Variants in GRK3 observed in about 807,000 individuals in gnomAD.
GRK3 encodes the protein G protein-coupled receptor kinase 3, also known as adrenergic, beta, receptor kinase 2.
A neutral mutation model predicts 95.7 loss-of-function variants in GRK3; 54 were observed. That is an observed-to-expected ratio of 0.56 (90% confidence interval 0.45 to 0.71). The LOEUF (loss-of-function observed/expected upper bound fraction) is 0.71. Ranked by LOEUF, GRK3 falls within the 30% of genes least tolerant of loss-of-function variation. The pLI, the probability that GRK3 is intolerant of heterozygous loss-of-function variation, is 0.00. For synonymous variants in GRK3, 281 were observed against 290.8 expected, an observed-to-expected ratio of 0.97 and a Z score of 0.34; for missense variants, 649 against 851.2, an observed-to-expected ratio of 0.76 and a Z score of 2.96.
At chr22:25,693,531 G>T (rs903811965) in intron 12 of GRK3, among the ~76,000 whole-genome samples, 6 of 152,070 alleles carry the variant, frequency 3.9e-5, no homozygotes, top group African/African-American at 1.4e-4. Context: ...AATCTCCAAC[G>T]CTCTCACAGC....
chr22:25,595,813 G>A (rs113078357), intron 1 of GRK3, among the ~76,000 whole-genome samples: 5 of 152,126 alleles, frequency 3.3e-5, no homozygotes, highest in African/African-American at 1.2e-4. Flanking sequence ...TGGGTGTGGT[G>A]GTGTGCACTT....
At chr22:25,675,508 A>G (rs891004714) in intron 8 of GRK3, among the ~76,000 whole-genome samples, 1 of 152,118 alleles carries the variant, frequency 6.6e-6, no homozygotes, top group African/African-American at 2.4e-5. Flanking sequence ...AAAGCAAAAG[A>G]TAGTGGAAAA....
In GRK3 at chr22:25,603,331, T is replaced by C. The variant is rs2084422175; in HGVS notation, c.114-1046T>C. On this transcript the variant is annotated intron_variant, in intron 1 of 20. Coordinates refer to ENST00000324198, the MANE Select transcript of GRK3 (RefSeq NM_005160.4). ...GTTCACTCCCACCATCAGTGGATAA[T>C]AGAGATTCAATTTTCTACTTTTTCC... 3.3e-5 allele frequency among the ~76,000 whole-genome samples: 5 copies of C among 152,286 alleles called. No individual in the cohort carries two copies. In the East Asian group the frequency reaches 5.8e-4, roughly 18 times the overall value.
At chr22:25,698,447 C>T (rs1042740836) in intron 13 of GRK3, among the ~76,000 whole-genome samples, 1 of 152,168 alleles carries the variant, frequency 6.6e-6, no homozygotes, top group Non-Finnish European at 1.5e-5. Context: ...ATGGCAGAAC[C>T]AATTCTAACC....
intron 4 of GRK3, 32 bp from the exon 5 acceptor site, chr22:25,663,583 ATTGGTTACATTTTAT>A: frequency 7.8e-7 from 1 of 1,276,996 alleles, no homozygotes; most frequent in Non-Finnish European, 1.1e-6. Context: ...ACATACACAG[ATTGGTTACATTTTAT>A]TATTTAAAAA....
chr22:25,620,730 A>G (rs1485989366), intron 2 of GRK3, among the ~76,000 whole-genome samples: 1 of 152,178 alleles, frequency 6.6e-6, no homozygotes, highest in Non-Finnish European at 1.5e-5. Context: ...CCTGGAGTCC[A>G]TCTAAGGGTC....
At chr22:25,648,575 G>GA (rs2084804348) in intron 3 of GRK3, 3 of 1,349,954 alleles carry the variant, frequency 2.2e-6, no homozygotes, top group Non-Finnish European at 1.1e-6. Flanking sequence ...CTCAGGTAAT[G>GA]AAAAAAATAA....
Position 25,724,453 on chromosome 22 carries a change from A to G in GRK3, c.*2003A>G, listed in dbSNP as rs111935244. ...TTGTTCTAAAATTGAGCTGATCCGC[A>G]TCTCTTTCAAAAACTAGAATTTCTG... On this transcript the variant is annotated 3_prime_UTR_variant, in exon 21 of 21. Coordinates refer to ENST00000324198, the MANE Select transcript of GRK3 (RefSeq NM_005160.4). The G allele has an allele frequency of 7.9e-5, 12 of 152,366 alleles. No individual in the cohort carries two copies. Among genetic ancestry groups the G allele is most frequent in the African/African-American group, 2.6e-4 (11 of 41,582 alleles). 9.4% of individuals were successfully genotyped at this position (152,366 alleles called of 1,614,324 possible). A position where few individuals can be genotyped will look rare whatever the true frequency, so the allele number is the denominator to read the frequency against.
At chr22:25,600,988 A>G (rs2084405668) in intron 1 of GRK3, among the ~76,000 whole-genome samples, 1 of 152,246 alleles carries the variant, frequency 6.6e-6, no homozygotes, top group Non-Finnish European at 1.5e-5. Flanking sequence ...TTAAATATTC[A>G]TGTACTTAAC....
intron 5 of GRK3, among the ~76,000 whole-genome samples, chr22:25,666,131 G>A (rs1299770673): frequency 6.6e-6 from 1 of 152,138 alleles, no homozygotes; most frequent in East Asian, 1.9e-4. Context: ...AGCCTGTTGC[G>A]GTTCTTTCTG....
At position 25,727,860 on chromosome 22, in the gene GRK3, TTA is replaced by T. The variant is rs1351420605; in HGVS notation, c.*5414_*5415del. The T allele has an allele frequency of 1.3e-5, 2 of 152,200 alleles. No homozygotes were observed. The highest frequency in any genetic ancestry group is 2.9e-5 in the Non-Finnish European group (2 of 68,034). The allele number at this position is 152,200 out of a possible 1,614,324, so 9.4% of individuals were successfully genotyped here. On this transcript the variant is annotated 3_prime_UTR_variant, in exon 21 of 21. Coordinates refer to ENST00000324198, the MANE Select transcript of GRK3 (RefSeq NM_005160.4). ...TTGATTATATTAAATGATGTATATATTATATGTGGTTTATAAGCTCAACACTG... is the reference window on the plus strand; with the variant it reads ...TTGATTATATTAAATGATGTATATATTATGTGGTTTATAAGCTCAACACTG...
chr22:25,583,837 A>G (rs1932190154), intron 1 of GRK3, among the ~76,000 whole-genome samples: 1 of 152,254 alleles, frequency 6.6e-6, no homozygotes, highest in African/African-American at 2.4e-5. Context: ...ATGGTGCGAG[A>G]TCAGAAATTC....
intron 6 of GRK3, among the ~76,000 whole-genome samples, chr22:25,669,300 G>A (rs2084963050): frequency 6.6e-6 from 1 of 152,132 alleles, no homozygotes; most frequent in African/African-American, 2.4e-5. Context: ...CCTTCCCTGA[G>A]GTCCAAGCAG....
chr22:25,627,634 G>C (rs958534861), intron 2 of GRK3, among the ~76,000 whole-genome samples: 1 of 152,186 alleles, frequency 6.6e-6, no homozygotes, highest in Admixed American at 6.5e-5. Flanking sequence ...AGCCAATTAA[G>C]TACTAGCCAT....
In GRK3 at chr22:25,609,412, A is replaced by G. The variant is rs538894854; in HGVS notation, c.190+4959A>G. On this transcript the variant is annotated intron_variant, in intron 2 of 20. Transcript: ENST00000324198. Reference sequence around the variant, plus strand: ...AGTGGTACAATCTTGGCTCACTGCAACCTCTGCCTCACAGGTTCAAGCAAT... The same window carrying G: ...AGTGGTACAATCTTGGCTCACTGCAGCCTCTGCCTCACAGGTTCAAGCAAT... Among the ~76,000 whole-genome samples, 17 of 151,744 alleles carry G rather than the reference A, an allele frequency of 1.1e-4. No individual in the cohort carries two copies. In the South Asian group the frequency reaches 3.5e-3, roughly 32 times the overall value.
At chr22:25,678,971 G>T in intron 9 of GRK3, 56 bp downstream of exon 9, 1 of 1,213,462 alleles carries the variant, frequency 8.2e-7, no homozygotes. Flanking sequence ...TTTCATAGCA[G>T]GATGATTTAT....
intron 3 of GRK3, among the ~76,000 whole-genome samples, chr22:25,650,149 T>C (rs1423416217): frequency 2.0e-5 from 3 of 151,910 alleles, no homozygotes; most frequent in Non-Finnish European, 4.4e-5. Context: ...CACCCTGTAA[T>C]CCCAGTGCCA....
chr22:25,723,243 G>GC lies in GRK3; in HGVS notation c.*794dup, dbSNP rs1191101003. On this transcript the variant is annotated 3_prime_UTR_variant, in exon 21 of 21. Coordinates refer to ENST00000324198, the MANE Select transcript of GRK3 (RefSeq NM_005160.4). ...GAGTCCAGTGTGCACGAGTCGACAA[G>GC]CAGTACCTGGCATGCAGGAGCACTC... The GC allele has an allele frequency of 6.6e-6, 1 of 152,212 alleles. No individual in the cohort carries two copies. The highest frequency in any genetic ancestry group is 1.5e-5 in the Non-Finnish European group (1 of 68,064). 9.4% of individuals were successfully genotyped at this position (152,212 alleles called of 1,614,324 possible). A position where few individuals can be genotyped will look rare whatever the true frequency, so the allele number is the denominator to read the frequency against.
chr22:25,626,842 C>T (rs927138759), intron 2 of GRK3, among the ~76,000 whole-genome samples: 5 of 152,242 alleles, frequency 3.3e-5, no homozygotes, highest in African/African-American at 1.2e-4. Context: ...CAGTGGCACC[C>T]ATACCACCTG....
Sources: gnomAD v4.1 joint callset for allele counts (sites outside exome capture counted in the v4.1 genomes callset) on GRCh38, gnomAD v4.1.1 for gene constraint, MANE v1.5 for transcripts, NCBI Gene and HGNC (gene_info 2026-07-23, HGNC 2026-07-21) for gene names.